NAALADL2: variants seen among roughly 807,000 people sequenced by gnomAD.
NAALADL2 encodes the protein N-acetylated alpha-linked acidic dipeptidase like 2.
In NAALADL2, 76 loss-of-function variants were observed where a neutral mutation model predicts 87.2. The observed-to-expected ratio is 0.87, with a 90% CI of 0.72 to 1.05. NAALADL2 has a LOEUF of 1.05. NAALADL2 is among the 50% of genes least tolerant of loss of function. The pLI is 0.00. For missense variants in NAALADL2, 1,089 were observed against 945.8 expected (o/e 1.15, Z -1.99); for synonymous variants, 354 against 331.0 (o/e 1.07, Z -0.75).
intron 3 of NAALADL2, among the ~76,000 whole-genome samples, chr3:174,849,278 C>T (rs918840427): frequency 6.6e-6 from 1 of 152,134 alleles, no homozygotes; most frequent in African/African-American, 2.4e-5. Flanking sequence ...TTATACTTTA[C>T]AAACTTTTTA....
intron 1 of NAALADL2, among the ~76,000 whole-genome samples, chr3:175,026,482 T>TAA (rs59236659): frequency 0.082 from 6,957 of 85,292 alleles, 266 homozygotes; most frequent in Middle Eastern, 0.13. Context: ...CCGTCTCTAC[T>TAA]AAAAAAAAAA....
At chr3:174,819,358 C>T (rs1009407551) in intron 3 of NAALADL2, among the ~76,000 whole-genome samples, 8 of 149,710 alleles carry the variant, frequency 5.3e-5, no homozygotes, top group South Asian at 2.1e-4. Context: ...AGCCATTGTG[C>T]GTGGCTAATA....
intron 3 of NAALADL2, among the ~76,000 whole-genome samples, chr3:174,787,600 T>TATATATATATATATATATATATACACAC (rs1553855412): frequency 2.9e-5 from 2 of 68,474 alleles, no homozygotes; most frequent in African/African-American, 4.4e-5. Context: ...TATATATATA[T>TATATATATATATATATATATATACACAC]ATATATATAT....
At chr3:174,964,087 AT>A (rs1267082635) in intron 1 of NAALADL2, among the ~76,000 whole-genome samples, 8 of 152,004 alleles carry the variant, frequency 5.3e-5, no homozygotes, top group African/African-American at 1.9e-4. Flanking sequence ...AAATATTTAT[AT>A]TTTTCAAGAT....
At chr3:174,825,428 T>A (rs896667176) in intron 3 of NAALADL2, among the ~76,000 whole-genome samples, 2 of 152,214 alleles carry the variant, frequency 1.3e-5, no homozygotes, top group African/African-American at 4.8e-5. Flanking sequence ...GGGAGAGAAT[T>A]TGCCCTTTCT....
intron 5 of NAALADL2, among the ~76,000 whole-genome samples, chr3:175,425,587 G>T (rs1352969850): frequency 6.6e-6 from 1 of 152,024 alleles, no homozygotes; most frequent in Non-Finnish European, 1.5e-5. Context: ...TGGTCATTAA[G>T]GGGATTGGAG....
chr3:175,564,874 T>A (rs200795610), intron 9 of NAALADL2, among the ~76,000 whole-genome samples: 1 of 152,222 alleles, frequency 6.6e-6, no homozygotes, highest in East Asian at 1.9e-4. Context: ...GCTCTGGATT[T>A]GTCATTCTAT....
intron 9 of NAALADL2, among the ~76,000 whole-genome samples, chr3:175,551,254 ACT>A (rs1026200291): frequency 4.6e-5 from 7 of 151,934 alleles, no homozygotes; most frequent in African/African-American, 1.7e-4. Flanking sequence ...GATGAGAAAA[ACT>A]CTTTCATTTT....
At chr3:175,389,030 A>C (rs1314504839) in intron 5 of NAALADL2, among the ~76,000 whole-genome samples, 2 of 152,120 alleles carry the variant, frequency 1.3e-5, no homozygotes, top group Admixed American at 1.3e-4. Flanking sequence ...TAAGATAATC[A>C]TCCTGGAACC....
At chr3:175,239,562 A>G (rs923131735) in intron 3 of NAALADL2, among the ~76,000 whole-genome samples, 2 of 152,148 alleles carry the variant, frequency 1.3e-5, no homozygotes, top group African/African-American at 2.4e-5. Flanking sequence ...TTATTTCCAT[A>G]CATTTTATGG....
At chr3:175,648,799 A>C (rs1360635307) in intron 11 of NAALADL2, among the ~76,000 whole-genome samples, 1 of 152,188 alleles carries the variant, frequency 6.6e-6, no homozygotes, top group Non-Finnish European at 1.5e-5. Flanking sequence ...CCTCTTTATA[A>C]ATCCCAACTC....
chr3:174,977,485 A>T (rs565874711), intron 1 of NAALADL2, among the ~76,000 whole-genome samples: 1 of 152,326 alleles, frequency 6.6e-6, no homozygotes, highest in Admixed American at 6.5e-5. Flanking sequence ...TTCACTATAA[A>T]TTAGTGTGGT....
At chr3:174,751,453 A>C (rs2109039534) in intron 3 of NAALADL2, among the ~76,000 whole-genome samples, 1 of 152,174 alleles carries the variant, frequency 6.6e-6, no homozygotes, top group East Asian at 1.9e-4. Flanking sequence ...ACCTGAGGTC[A>C]GGAGTTCGAG....
intron 5 of NAALADL2, among the ~76,000 whole-genome samples, chr3:175,333,084 C>T (rs1761581775): frequency 6.6e-6 from 1 of 152,070 alleles, no homozygotes; most frequent in Non-Finnish European, 1.5e-5. Flanking sequence ...GACATGTAGC[C>T]CCCAGGCAGT....
At chr3:174,955,048 C>A (rs7635987) in intron 1 of NAALADL2, among the ~76,000 whole-genome samples, 80,498 of 151,918 alleles carry the variant, frequency 0.53, 24,825 homozygotes, top group Non-Finnish European at 0.71. Flanking sequence ...AAATTCATTA[C>A]CTTTAGGAAA....
intron 10 of NAALADL2, among the ~76,000 whole-genome samples, chr3:175,621,003 C>A (rs369189737): frequency 1.3e-5 from 2 of 152,034 alleles, no homozygotes; most frequent in Non-Finnish European, 2.9e-5. Flanking sequence ...AGGCTCTGAC[C>A]GGAGGTATTT....
At chr3:174,492,275 A>T (rs1339742190) in intron 1 of NAALADL2, among the ~76,000 whole-genome samples, 1 of 150,294 alleles carries the variant, frequency 6.7e-6, no homozygotes, top group Non-Finnish European at 1.5e-5. Flanking sequence ...CGTCTCAAAA[A>T]AAAAAAAGAA....
intron 8 of NAALADL2, among the ~76,000 whole-genome samples, chr3:175,469,799 G>A (rs1282296369): frequency 6.6e-6 from 1 of 151,982 alleles, no homozygotes; most frequent in Non-Finnish European, 1.5e-5. Context: ...CCTATCTTAT[G>A]AGGGTCTCAT....
chr3:175,307,740 A>G (rs2110276220), intron 4 of NAALADL2, among the ~76,000 whole-genome samples: 1 of 152,328 alleles, frequency 6.6e-6, no homozygotes, highest in Non-Finnish European at 1.5e-5. Context: ...CTGGTAAGCA[A>G]GATCTAGCAA....
Sources: allele counts gnomAD v4.1 joint callset (sites outside exome capture counted in the v4.1 genomes callset), GRCh38; gene constraint gnomAD v4.1.1; transcripts MANE v1.5; gene names NCBI Gene and HGNC (gene_info 2026-07-23, HGNC 2026-07-21).